Variants in UGT2B17 observed in about 807,000 individuals in gnomAD.
UGT2B17 encodes UDP glucuronosyltransferase family 2 member B17, also known as UDP-glucuronosyltransferase 2B17.
A neutral mutation model predicts 48.2 loss-of-function variants in UGT2B17; 21 were observed. That is an observed-to-expected ratio of 0.44 (90% CI 0.31 to 0.63). The LOEUF is 0.63. Among genes scored for constraint, UGT2B17 ranks in the 20% least tolerant of loss-of-function variants. The pLI is 0.08. For synonymous variants in UGT2B17, 146 were observed against 238.4 expected, an observed-to-expected ratio of 0.61 and a Z score of 3.57; for missense variants, 402 against 696.1, an observed-to-expected ratio of 0.58 and a Z score of 4.75.
At chr4:68,556,045 G>A (rs1237748421) in intron 4 of UGT2B17, among the ~76,000 whole-genome samples, 1 of 118,654 alleles carries the variant, frequency 8.4e-6, no homozygotes. Flanking sequence ...AGGATGTTCA[G>A]GACAAACCAG....
At chr4:68,567,561 A>G (rs7436338) in intron 2 of UGT2B17, among the ~76,000 whole-genome samples, 200 bp downstream of exon 2, 121,697 of 123,952 alleles carry the variant, frequency 0.98, 60,236 homozygotes, top group East Asian at 1. Context: ...TTGGTGTCCT[A>G]TAGCAGTGAT....
Position 68,538,659 on chromosome 4 carries a change from T to C in UGT2B17, c.1314-755A>G, listed in dbSNP as rs556998734. On this transcript the variant is annotated intron_variant, in intron 6 of 6. Transcript: ENST00000317746. ...ATTTTCCTACTAGTAGCCAGAACAT[T>C]TTCTAAATTAATGTCAAATTATGAC... Among the ~76,000 whole-genome samples the C allele has an allele frequency of 7.9e-4, 100 of 126,810 alleles. 21 individuals are homozygous for C. Among genetic ancestry groups the C allele is most frequent in the African/African-American group, 2.5e-3 (94 of 37,240 alleles). The allele number at this position is 126,810 out of a possible 152,430, so 83.2% of individuals were successfully genotyped here.
At chr4:68,553,872 T>C (rs1730957451) in intron 4 of UGT2B17, among the ~76,000 whole-genome samples, 1 of 121,028 alleles carries the variant, frequency 8.3e-6, no homozygotes. Flanking sequence ...AATGAAAGAC[T>C]GAGTTTTCTC....
intron 6 of UGT2B17, among the ~76,000 whole-genome samples, chr4:68,547,461 C>G (rs543729860): frequency 8.0e-6 from 1 of 125,440 alleles, no homozygotes; most frequent in Non-Finnish European, 1.7e-5. Context: ...AGACCTAAAA[C>G]CATAAAAACT....
chr4:68,537,484 A>G lies in UGT2B17; in HGVS notation c.*141T>C. On this transcript the variant is annotated 3_prime_UTR_variant, in exon 7 of 7. Transcript: ENST00000317746. ...TAAAGTACATATTAAATTCCTGGAA[A>G]ATAAATTTTGACTTAACAGGGTAAG... 1 of 729,988 alleles carries G rather than the reference A, an allele frequency of 1.4e-6. No individual in the cohort carries two copies. The highest frequency in any genetic ancestry group is 1.8e-6 in the Non-Finnish European group (1 of 542,814). The allele number at this position is 729,988 out of a possible 1,614,324, so 45.2% of individuals were successfully genotyped here. A position where few individuals can be genotyped will look rare whatever the true frequency, so the allele number is the denominator to read the frequency against.
intron 6 of UGT2B17, among the ~76,000 whole-genome samples, chr4:68,543,613 C>A (rs1442182907): frequency 8.0e-6 from 1 of 125,200 alleles, no homozygotes; most frequent in Non-Finnish European, 1.7e-5. Context: ...GAGAAGAAGG[C>A]TTCAGACGAT....
intron 4 of UGT2B17, among the ~76,000 whole-genome samples, chr4:68,558,682 C>T (rs1250382186): frequency 8.0e-6 from 1 of 125,678 alleles, no homozygotes; most frequent in African/African-American, 2.7e-5. Flanking sequence ...ACCTTCCTTG[C>T]CATTAGAGAT....
Position 68,537,792 on chromosome 4 carries a change from G to A in UGT2B17, c.1426C>T (p.His476Tyr), listed in dbSNP as rs1560573363. The change falls in exon 7 of 7, where the codon CAC becomes TAC. Residue 476 changes from histidine to tyrosine, a missense_variant. By Grantham distance (83) the His-to-Tyr change is moderately conservative. This residue lies in a region of UGT2B17 where 156 missense variants were observed against 258.6 expected (regional missense o/e 0.60). Transcript: ENST00000317746. ...AGGTTGTGGGCTGCGACCCGAAGGTGCTTGGCTCCTTTATGGCGCATGACA... is the reference window on the plus strand; with the variant it reads ...AGGTTGTGGGCTGCGACCCGAAGGTACTTGGCTCCTTTATGGCGCATGACA... ...EFVMRHKGAK[H>Y]LRVAAHNLTW... 1 of 1,379,898 alleles carries A rather than the reference G, an allele frequency of 7.2e-7. No homozygotes were observed. Among genetic ancestry groups the A allele is most frequent in the Non-Finnish European group, 9.5e-7 (1 of 1,055,132 alleles). The allele number at this position is 1,379,898 out of a possible 1,614,324, so 85.5% of individuals were successfully genotyped here.
intron 4 of UGT2B17, among the ~76,000 whole-genome samples, chr4:68,555,599 C>A (rs1730986461): frequency 7.9e-6 from 1 of 125,978 alleles, no homozygotes; most frequent in South Asian, 3.6e-4. Flanking sequence ...AATTCCATAA[C>A]TTTAAATGAT....
In UGT2B17 at chr4:68,551,022, T is replaced by C. The variant is rs1357538780; in HGVS notation, c.1094-126A>G. ...GTAACATTATACCCACAAAACTGCA[T>C]TGAAATTGTTTTCAAATTTCAGAGG... On this transcript the variant is annotated intron_variant, in intron 5 of 6. Transcript: ENST00000317746. 5 of 675,988 alleles carry C rather than the reference T, an allele frequency of 7.4e-6. 1 individual carries two copies. The African/African-American group carries it at 7.5e-5, about 10-fold the overall frequency. The allele number at this position is 675,988 out of a possible 1,614,324, so 41.9% of individuals were successfully genotyped here. A position where few individuals can be genotyped will look rare whatever the true frequency, so the allele number is the denominator to read the frequency against.
chr4:68,555,634 T>C (rs1250352046), intron 4 of UGT2B17, among the ~76,000 whole-genome samples: 1 of 125,614 alleles, frequency 8.0e-6, no homozygotes, highest in Non-Finnish European at 1.7e-5. Flanking sequence ...TCACAAATAT[T>C]CTAGGTAAAT....
intron 3 of UGT2B17, among the ~76,000 whole-genome samples, chr4:68,561,335 C>A (rs748761913): frequency 8.5e-6 from 1 of 118,100 alleles, no homozygotes; most frequent in Non-Finnish European, 1.7e-5. Flanking sequence ...GAATCATTGA[C>A]GTTCATCAGT....
chr4:68,546,741 A>C (rs565844158), intron 6 of UGT2B17, among the ~76,000 whole-genome samples: 2 of 125,846 alleles, frequency 1.6e-5, no homozygotes, highest in Non-Finnish European at 3.4e-5. Flanking sequence ...CAGGATAAAA[A>C]ATCAATGTGC....
intron 2 of UGT2B17, among the ~76,000 whole-genome samples, chr4:68,567,213 T>G (rs1245587467): frequency 8.0e-6 from 1 of 125,432 alleles, no homozygotes; most frequent in Non-Finnish European, 1.7e-5. Context: ...GAAGTTGTTA[T>G]TGAAGGAATG....
chr4:68,560,766 C>G (rs1214122169), intron 3 of UGT2B17, 98 bp from the exon 4 acceptor site: 2 of 1,292,052 alleles, frequency 1.5e-6, no homozygotes, highest in Non-Finnish European at 2.0e-6. Context: ...AAGTCAGGAG[C>G]TATTGGAGTA....
rs542669871 is a variant in UGT2B17 at position 68,554,500 on chromosome 4, T to C, written c.1006-2589A>G. The stretch of plus-strand genomic sequence containing the variant: ...ATTTTTCTATTAAGTTAAAAACCAC[T>C]GTTTTGATTCAACAGGTTTTTGTCT... On this transcript the variant is annotated intron_variant, in intron 4 of 6. Coordinates refer to ENST00000317746, the MANE Select transcript of UGT2B17 (RefSeq NM_001077.4). Among the ~76,000 whole-genome samples, 951 of 126,030 alleles carry C rather than the reference T, an allele frequency of 7.5e-3. 224 individuals are homozygous for C. Among genetic ancestry groups the C allele is most frequent in the Non-Finnish European group, 0.013 (799 of 59,470 alleles). The allele number at this position is 126,030 out of a possible 152,430, so 82.7% of individuals were successfully genotyped here.
intron 6 of UGT2B17, among the ~76,000 whole-genome samples, chr4:68,543,037 C>T (rs1730708761): frequency 7.9e-6 from 1 of 126,566 alleles, no homozygotes; most frequent in African/African-American, 2.7e-5. Context: ...AAACAAAAGG[C>T]AGCAGAAACC....
At position 68,564,315 on chromosome 4, in the gene UGT2B17, G is replaced by A. The variant is rs1259605242; in HGVS notation, c.873+1257C>T. Reference sequence around the variant, plus strand: ...ATATATTTTTTTTTTTTGAGACAGAGTCTCACTCTGTTGCCCAGGCTGTTG... The same window carrying A: ...ATATATTTTTTTTTTTTGAGACAGAATCTCACTCTGTTGCCCAGGCTGTTG... On this transcript the variant is annotated intron_variant, in intron 3 of 6. Coordinates refer to ENST00000317746, the MANE Select transcript of UGT2B17 (RefSeq NM_001077.4). 8.0e-5 allele frequency among the ~76,000 whole-genome samples: 8 copies of A among 100,018 alleles called. 2 individuals carry two copies. Among genetic ancestry groups the A allele is most frequent in the African/African-American group, 2.5e-4 (6 of 23,932 alleles). The allele number at this position is 100,018 out of a possible 152,430, so 65.6% of individuals were successfully genotyped here.
Position 68,561,210 on chromosome 4 carries a change from T to G in UGT2B17, c.874-542A>C, listed in dbSNP as rs187703088. Among the ~76,000 whole-genome samples, 136 of 123,114 alleles carry G rather than the reference T, an allele frequency of 1.1e-3. 31 individuals are homozygous for G. The highest frequency in any genetic ancestry group is 2.2e-3 in the Admixed American group (26 of 11,768). The allele number at this position is 123,114 out of a possible 152,430, so 80.8% of individuals were successfully genotyped here. A position where few individuals can be genotyped will look rare whatever the true frequency, so the allele number is the denominator to read the frequency against. Reference sequence around the variant, plus strand: ...ATTTTATATCTACATTTATTTAGCTTCTTTAGCTCTCTAACCCTTTATATT... The same window carrying G: ...ATTTTATATCTACATTTATTTAGCTGCTTTAGCTCTCTAACCCTTTATATT... On this transcript the variant is annotated intron_variant, in intron 3 of 6. Coordinates refer to ENST00000317746, the MANE Select transcript of UGT2B17 (RefSeq NM_001077.4).
Sources: allele counts gnomAD v4.1 joint callset (sites outside exome capture counted in the v4.1 genomes callset), GRCh38; gene constraint gnomAD v4.1.1; regional missense constraint gnomAD v4.1.1; transcripts MANE v1.5; gene names NCBI Gene and HGNC (gene_info 2026-07-23, HGNC 2026-07-21).